The following FYN variants were observed in gnomAD, a reference collection of about 807,000 sequenced individuals.
FYN encodes FYN proto-oncogene, Src family tyrosine kinase, also known as tyrosine-protein kinase Fyn.
FYN carries 10 observed loss-of-function variants against 70.2 expected under a neutral mutation model. That is an observed-to-expected ratio of 0.14 (90% CI 0.09 to 0.24). FYN has a LOEUF of 0.24. Ranked by LOEUF, FYN falls within the 10% of genes least tolerant of loss-of-function variation. The pLI is 1.00. For synonymous variants in FYN, 236 were observed against 248.6 expected, an observed-to-expected ratio of 0.95 and a Z score of 0.48; for missense variants, 319 against 673.1, an observed-to-expected ratio of 0.47 and a Z score of 5.82.
intron 1 of FYN, among the ~76,000 whole-genome samples, chr6:111,847,084 T>C (rs192806377): frequency 7.4e-4 from 112 of 152,360 alleles, no homozygotes; most frequent in Non-Finnish European, 3.5e-4. Context: ...CCCCACTTCC[T>C]ATCTGACTGT....
In FYN at chr6:111,686,263, C is replaced by T. The variant is rs184752291; in HGVS notation, c.1273+8112G>A. Among the ~76,000 whole-genome samples the T allele has an allele frequency of 4.6e-5, 7 of 152,230 alleles. No homozygotes were observed. In the East Asian group the frequency reaches 1.4e-3, roughly 29 times the overall value. On this transcript the variant is annotated intron_variant, in intron 12 of 13. Coordinates refer to ENST00000354650, the MANE Select transcript of FYN (RefSeq NM_002037.5). Reference sequence around the variant, plus strand: ...CGAGGTGGAAGCTCAGAGCTTGAAGCGACAGAATACAAATGAAGGAGCTTT... The same window carrying T: ...CGAGGTGGAAGCTCAGAGCTTGAAGTGACAGAATACAAATGAAGGAGCTTT...
chr6:111,759,040 C>T (rs927513150), intron 3 of FYN: 1 of 152,654 alleles, frequency 6.6e-6, no homozygotes, highest in East Asian at 1.9e-4. Flanking sequence ...CGAGTCTTAC[C>T]CTTCACGTAA....
rs192784638 is a variant in FYN at position 111,690,164 on chromosome 6, G to A, written c.1273+4211C>T. 2.7e-3 allele frequency among the ~76,000 whole-genome samples: 410 copies of A among 151,702 alleles called. 3 individuals are homozygous for A. The highest frequency in any genetic ancestry group is 5.2e-3 in the Non-Finnish European group (355 of 68,020). On this transcript the variant is annotated intron_variant, in intron 12 of 13. Coordinates refer to ENST00000354650, the MANE Select transcript of FYN (RefSeq NM_002037.5). Reference sequence around the variant, plus strand: ...CAAGGCTTGTGACATTGCCTATGTCGGGGGTCACAGGAGACAGGTGTGGTA... The same window carrying A: ...CAAGGCTTGTGACATTGCCTATGTCAGGGGTCACAGGAGACAGGTGTGGTA...
chr6:111,695,017 C>T (rs1583318729), intron 10 of FYN, among the ~76,000 whole-genome samples: 1 of 152,276 alleles, frequency 6.6e-6, no homozygotes, highest in South Asian at 2.1e-4. Flanking sequence ...AGAACTGCAC[C>T]TCTTCAATCC....
In FYN at chr6:111,694,362, T is replaced by G; in HGVS notation, c.1273+13A>C. ...CAGCTGTGATCACGAGCCATTGTCATTCAAGTGCCCACCTTGTCTTGCTGT... is the reference window on the plus strand; with the variant it reads ...CAGCTGTGATCACGAGCCATTGTCAGTCAAGTGCCCACCTTGTCTTGCTGT... On this transcript the variant is annotated intron_variant, in intron 12 of 13. Coordinates refer to ENST00000354650, the MANE Select transcript of FYN (RefSeq NM_002037.5). The surrounding 1 kb of genome is among the most constrained non-coding windows in gnomAD (Gnocchi z 5.0). 6.2e-7 allele frequency: 1 copy of G among 1,613,984 alleles called. No individual in the cohort carries two copies. The highest frequency in any genetic ancestry group is 8.5e-7 in the Non-Finnish European group (1 of 1,179,856).
At chr6:111,708,839 GGGA>G (rs914810621) in intron 5 of FYN, 3 of 152,272 alleles carry the variant, frequency 2.0e-5, no homozygotes, top group Non-Finnish European at 4.4e-5. Context: ...TATCAATCTG[GGGA>G]GCTCTCAGAG....
At chr6:111,800,369 A>T (rs1016643925) in intron 2 of FYN, among the ~76,000 whole-genome samples, 1 of 152,132 alleles carries the variant, frequency 6.6e-6, no homozygotes, top group African/African-American at 2.4e-5. Flanking sequence ...GGGATGGGAG[A>T]AACAAGGCTC....
chr6:111,762,249 A>G (rs1803037444), intron 3 of FYN, among the ~76,000 whole-genome samples: 2 of 152,168 alleles, frequency 1.3e-5, no homozygotes, highest in South Asian at 4.1e-4. Context: ...TTGCTTCTGC[A>G]TCTGGTTTTC....
intron 1 of FYN, among the ~76,000 whole-genome samples, chr6:111,852,593 G>A (rs1049377703): frequency 6.6e-6 from 1 of 152,076 alleles, no homozygotes; most frequent in Non-Finnish European, 1.5e-5. Context: ...TTTAAGGCAA[G>A]CAAACAAAAA....
At chr6:111,669,424 G>A in intron 13 of FYN, among the ~76,000 whole-genome samples, 1 of 104,948 alleles carries the variant, frequency 9.5e-6, no homozygotes, top group South Asian at 3.5e-4. Flanking sequence ...GACAGAGCAA[G>A]ATTCCATCCA....
chr6:111,661,945 T>G lies in FYN; in HGVS notation c.1408A>C (p.Met470Leu). The change falls in exon 14 of 14, where the codon ATG (methionine) becomes CTG (leucine). Residue 470 changes from methionine to leucine, a missense_variant and splice_region_variant. Around this residue, in one of 4 missense-constraint regions of FYN, gnomAD observed 64 missense variants for 223.0 expected, o/e 0.29. Transcript: ENST00000354650. This position sits in a 1 kb window ranked among gnomAD's most constrained non-coding sequence, Gnocchi z 4.0. ...VTKGRVPYPG[M>L]NNREVLEQVE... Reference sequence around the variant, plus strand: ...TGCTCCAGCACCTCCCGGTTGTTCATGCCTGCAAAGACAAGCGCAGTGAGA... The same window carrying G: ...TGCTCCAGCACCTCCCGGTTGTTCAGGCCTGCAAAGACAAGCGCAGTGAGA... The G allele has an allele frequency of 2.5e-6, 4 of 1,608,170 alleles. No individual in the cohort carries two copies. Among genetic ancestry groups the G allele is most frequent in the Non-Finnish European group, 3.4e-6 (4 of 1,176,756 alleles).
intron 3 of FYN, among the ~76,000 whole-genome samples, chr6:111,752,671 C>G (rs1390439671): frequency 6.6e-6 from 1 of 152,168 alleles, no homozygotes; most frequent in Non-Finnish European, 1.5e-5. Context: ...CTCCTCTGAT[C>G]AGGCAAGCAG....
chr6:111,750,804 A>C (rs1469276130), intron 3 of FYN, among the ~76,000 whole-genome samples: 1 of 150,096 alleles, frequency 6.7e-6, no homozygotes, highest in African/African-American at 2.5e-5. Context: ...CGTTCCCGCC[A>C]TTCCATACTT....
intron 4 of FYN, among the ~76,000 whole-genome samples, chr6:111,715,692 G>C (rs1218607220): frequency 6.6e-6 from 1 of 152,166 alleles, no homozygotes; most frequent in Non-Finnish European, 1.5e-5. Context: ...AGCACTACAT[G>C]AGTTTGGAAG....
chr6:111,714,427 C>T lies in FYN; in HGVS notation c.264G>A (p.Val88=). 2 of 1,614,000 alleles carry T rather than the reference C, an allele frequency of 1.2e-6. No individual in the cohort carries two copies. Among genetic ancestry groups the T allele is most frequent in the Non-Finnish European group, 1.7e-6 (2 of 1,179,888 alleles). ...TRGGTGVTLF[V]ALYDYEARTE... is the part of the protein sequence containing the mutation. ...TCCGTGCTTCATAGTCATAAAGGGC[C>T]ACAAAGAGTGTCACTCCTGCCGAAA... Residue 88 remains valine (V), a synonymous_variant, in exon 5 of 14, where the codon GTG becomes GTA. Coordinates refer to ENST00000354650, the MANE Select transcript of FYN (RefSeq NM_002037.5).
At chr6:111,756,414 A>AG (rs1562507554) in intron 3 of FYN, among the ~76,000 whole-genome samples, 1 of 148,576 alleles carries the variant, frequency 6.7e-6, no homozygotes, top group African/African-American at 2.6e-5. Context: ...GAGAAAAAAA[A>AG]GTAAAAAAAA....
intron 2 of FYN, among the ~76,000 whole-genome samples, chr6:111,785,550 G>A (rs1771334781): frequency 6.6e-6 from 1 of 152,190 alleles, no homozygotes; most frequent in Admixed American, 6.5e-5. Context: ...TCTCAGCTGG[G>A]AAGGATTTAG....
intron 13 of FYN, among the ~76,000 whole-genome samples, chr6:111,663,806 T>A (rs9374270): frequency 0.036 from 5,527 of 152,100 alleles, 125 homozygotes; most frequent in East Asian, 0.096. Flanking sequence ...TTAGCCTACA[T>A]CCTCCTCCAA....
chr6:111,835,823 A>C (rs1360825807), intron 2 of FYN, among the ~76,000 whole-genome samples: 1 of 149,650 alleles, frequency 6.7e-6, no homozygotes, highest in Non-Finnish European at 1.5e-5. Flanking sequence ...AAAGGAGAAA[A>C]GTGTGTGGGG....
Sources: allele counts gnomAD v4.1 joint callset (sites outside exome capture counted in the v4.1 genomes callset), GRCh38; gene constraint gnomAD v4.1.1; regional missense constraint gnomAD v4.1.1; non-coding constraint Gnocchi (gnomAD v3.1); transcripts MANE v1.5; gene names NCBI Gene and HGNC (gene_info 2026-07-23, HGNC 2026-07-21).